PLCG2: variants seen among roughly 807,000 people sequenced by gnomAD.
The protein encoded by PLCG2 is phospholipase C gamma 2.
PLCG2 carries 69 observed loss-of-function variants against 175.6 expected under a neutral mutation model. The ratio of observed to expected loss-of-function variants is 0.39; its 90% CI spans 0.32 to 0.48. PLCG2 has a LOEUF of 0.48. Among genes scored for constraint, PLCG2 ranks in the 20% least tolerant of loss-of-function variants. The pLI is 0.91. For synonymous variants in PLCG2, 827 were observed against 624.0 expected, an observed-to-expected ratio of 1.33 and a Z score of -4.85; for missense variants, 1,798 against 1,650.9, an observed-to-expected ratio of 1.09 and a Z score of -1.54.
intron 10 of PLCG2, 69 bp from the exon 11 acceptor site, chr16:81,891,403 A>C: frequency 2.2e-6 from 2 of 909,778 alleles, no homozygotes; most frequent in Admixed American, 1.7e-5. Context: ...GTGGGCGCAG[A>C]CCAGAAACAA....
rs560556709 is a variant in PLCG2 at position 81,842,283 on chromosome 16, G to C, written c.194-12161G>C. 9.2e-5 allele frequency among the ~76,000 whole-genome samples: 14 copies of C among 152,314 alleles called. No individual in the cohort carries two copies. The East Asian group carries it at 2.3e-3, about 25-fold the overall frequency. ...GCTCAGAGAAGCCTTTCTTCCCCTTGCTGGGGAGGAGCCCCAGTGTGGACT... is the reference window on the plus strand; with the variant it reads ...GCTCAGAGAAGCCTTTCTTCCCCTTCCTGGGGAGGAGCCCCAGTGTGGACT... On this transcript the variant is annotated intron_variant, in intron 2 of 32. Transcript: ENST00000564138.
chr16:81,943,178 T>C lies in PLCG2; in HGVS notation c.3482-2997T>C, dbSNP rs74029312. Among the ~76,000 whole-genome samples, 617 of 152,328 alleles carry C rather than the reference T, an allele frequency of 4.1e-3. 4 individuals are homozygous for C. The highest frequency in any genetic ancestry group is 0.015 in the African/African-American group (605 of 41,568). Reference sequence around the variant, plus strand: ...TTCATTCTAACAGTCAATCAGCAGCTAGACTGTATTAGTCCGTTCTCACAC... The same window carrying C: ...TTCATTCTAACAGTCAATCAGCAGCCAGACTGTATTAGTCCGTTCTCACAC... On this transcript the variant is annotated intron_variant, in intron 30 of 32. Transcript: ENST00000564138.
chr16:81,780,224 C>T (rs922257061), intron 1 of PLCG2, among the ~76,000 whole-genome samples: 1 of 152,162 alleles, frequency 6.6e-6, no homozygotes, highest in Non-Finnish European at 1.5e-5. Context: ...ATTTGAATTT[C>T]AGTTCCATCA....
chr16:81,883,883 C>T (rs773681425), intron 9 of PLCG2, among the ~76,000 whole-genome samples: 15 of 152,326 alleles, frequency 9.8e-5, no homozygotes, highest in African/African-American at 2.4e-4. Context: ...GGTTGTGTTG[C>T]GCCTTGGTTT....
intron 18 of PLCG2, 78 bp downstream of exon 18, chr16:81,910,798 T>C (rs1909589023): frequency 1.9e-5 from 26 of 1,371,250 alleles, no homozygotes; most frequent in Non-Finnish European, 2.3e-5. Flanking sequence ...GCCTGGTGGT[T>C]CAGCCGGGCC....
intron 5 of PLCG2, among the ~76,000 whole-genome samples, chr16:81,863,695 TTC>T (rs1907093231): frequency 1.3e-5 from 2 of 152,244 alleles, no homozygotes; most frequent in African/African-American, 4.8e-5. Context: ...GTGCACAGGT[TTC>T]TGTTTTCTTC....
Position 81,860,143 on chromosome 16 carries a change from C to CTAT in PLCG2, c.479+1009_479+1011dup, listed in dbSNP as rs763477650. 7.7e-3 allele frequency among the ~76,000 whole-genome samples: 972 copies of CTAT among 126,370 alleles called. 9 individuals are homozygous for CTAT. The highest frequency in any genetic ancestry group is 0.014 in the African/African-American group (470 of 34,082). 82.9% of individuals were successfully genotyped at this position (126,370 alleles called of 152,430 possible). On this transcript the variant is annotated intron_variant, in intron 5 of 32. Coordinates refer to ENST00000564138, the MANE Select transcript of PLCG2 (RefSeq NM_002661.5). ...TGTTTCACCATGCCTGGCTTATTTA[C>CTAT]TATTATTATTATTATTATTATTATT...
intron 1 of PLCG2, among the ~76,000 whole-genome samples, chr16:81,784,055 G>A (rs1389332110): frequency 6.6e-6 from 1 of 152,150 alleles, no homozygotes; most frequent in East Asian, 1.9e-4. Flanking sequence ...TTCTGCTGCT[G>A]CACTTGTAAC....
chr16:81,913,430 A>G (rs1909716211), intron 19 of PLCG2, among the ~76,000 whole-genome samples: 1 of 152,220 alleles, frequency 6.6e-6, no homozygotes, highest in Admixed American at 6.5e-5. Context: ...GGGAGGAAAC[A>G]GGACCAGAGA....
chr16:81,783,378 C>T (rs1217192392), intron 1 of PLCG2, among the ~76,000 whole-genome samples: 1 of 152,190 alleles, frequency 6.6e-6, no homozygotes, highest in African/African-American at 2.4e-5. Flanking sequence ...CATATATATA[C>T]ACGTGCCATG....
chr16:81,944,711 A>G (rs1911082026), intron 30 of PLCG2, among the ~76,000 whole-genome samples: 1 of 152,114 alleles, frequency 6.6e-6, no homozygotes, highest in Admixed American at 6.5e-5. Flanking sequence ...CCTGGCTTCA[A>G]GTGATCCTCC....
Position 81,801,313 on chromosome 16 carries a change from A to G in PLCG2, c.193+15131A>G, listed in dbSNP as rs866800181. Among the ~76,000 whole-genome samples, 4 of 152,326 alleles carry G rather than the reference A, an allele frequency of 2.6e-5. No homozygotes were observed. In the Middle Eastern group the frequency reaches 0.01, roughly 389 times the overall value. On this transcript the variant is annotated intron_variant, in intron 2 of 32. Coordinates refer to ENST00000564138, the MANE Select transcript of PLCG2 (RefSeq NM_002661.5). ...GAGAAATCAGTATCATGATTTAATAATTATAATTCCCATTTCAAAAATTTT... is the reference window on the plus strand; with the variant it reads ...GAGAAATCAGTATCATGATTTAATAGTTATAATTCCCATTTCAAAAATTTT...
At chr16:81,952,457 T>A (rs1485764370) in intron 31 of PLCG2, among the ~76,000 whole-genome samples, 1 of 152,134 alleles carries the variant, frequency 6.6e-6, no homozygotes, top group Non-Finnish European at 1.5e-5. Context: ...AAGTGGTTGA[T>A]TTCCAGACAT....
intron 31 of PLCG2, among the ~76,000 whole-genome samples, chr16:81,954,625 T>G (rs1911494527): frequency 6.6e-6 from 1 of 152,248 alleles, no homozygotes; most frequent in Non-Finnish European, 1.5e-5. Flanking sequence ...TGGCTGAGGA[T>G]GATGGCTTCC....
At position 81,911,215 on chromosome 16, in the gene PLCG2, C is replaced by T. The variant is rs528028956; in HGVS notation, c.1934+495C>T. Among the ~76,000 whole-genome samples, 11 of 152,148 alleles carry T rather than the reference C, an allele frequency of 7.2e-5. No individual in the cohort carries two copies. The South Asian group carries it at 1.9e-3, about 26-fold the overall frequency. ...CAAAAATGTCCATTTCCGAGGAGGC[C>T]GTATTACTTATAGCAACTTTTTTTT... On this transcript the variant is annotated intron_variant, in intron 18 of 32. Transcript: ENST00000564138.
chr16:81,911,790 CTTT>C lies in PLCG2; in HGVS notation c.1935-784_1935-782del, dbSNP rs35027472. On this transcript the variant is annotated intron_variant, in intron 18 of 32. Transcript: ENST00000564138. ...TGGGCCTGGCTAATTTTTGTATTTC[CTTT>C]TTTTTTTTTTTTTTTTTTTTTTGGG... Among the ~76,000 whole-genome samples the C allele has an allele frequency of 5.5e-3, 369 of 67,250 alleles. 2 individuals are homozygous for C. The highest frequency in any genetic ancestry group is 0.021 in the African/African-American group (340 of 16,164). The allele number at this position is 67,250 out of a possible 152,430, so 44.1% of individuals were successfully genotyped here.
At position 81,883,463 on chromosome 16, in the gene PLCG2, C is replaced by T. The variant is rs1908194340; in HGVS notation, c.765+122C>T. 5.7e-6 allele frequency: 4 copies of T among 703,264 alleles called. No homozygotes were observed. The South Asian group carries it at 6.4e-5, about 11-fold the overall frequency. The allele number at this position is 703,264 out of a possible 1,614,324, so 43.6% of individuals were successfully genotyped here. A position where few individuals can be genotyped will look rare whatever the true frequency, so the allele number is the denominator to read the frequency against. ...GTGCTCACCTGGCCACCTGTGCTCA[C>T]CTGGCCACCTGTCTTCATGGAACGA... On this transcript the variant is annotated intron_variant, in intron 9 of 32. Coordinates refer to ENST00000564138, the MANE Select transcript of PLCG2 (RefSeq NM_002661.5).
chr16:81,828,592 A>G (rs1178850909), intron 2 of PLCG2, among the ~76,000 whole-genome samples: 3 of 151,978 alleles, frequency 2.0e-5, no homozygotes, highest in Non-Finnish European at 4.4e-5. Flanking sequence ...CTTTGCTTTT[A>G]TGAGCTGCAG....
At position 81,937,735 on chromosome 16, in the gene PLCG2, C is replaced by G. The variant is rs1447663845; in HGVS notation, c.3053-23C>G. 17 of 1,608,918 alleles carry G rather than the reference C, an allele frequency of 1.1e-5. 1 individual carries two copies. The Admixed American group carries it at 1.2e-4, about 11-fold the overall frequency. On this transcript the variant is annotated intron_variant, in intron 27 of 32. Transcript: ENST00000564138. ...CAGCGTGCTCATGCCTGACTTACAG[C>G]AGGCGTTCACTTTCCTTCCCAGATA...
Sources: gnomAD v4.1 joint callset for allele counts (sites outside exome capture counted in the v4.1 genomes callset) on GRCh38, gnomAD v4.1.1 for gene constraint, MANE v1.5 for transcripts, NCBI Gene and HGNC (gene_info 2026-07-23, HGNC 2026-07-21) for gene names.